The following OCA2 variants were observed in gnomAD, a reference collection of about 807,000 sequenced individuals.
OCA2 encodes P protein.
Under a neutral mutation model 100.2 loss-of-function variants are expected in OCA2, and 77 were observed. That is an observed-to-expected ratio of 0.77 (90% CI 0.64 to 0.93). The LOEUF (loss-of-function observed/expected upper bound fraction) is 0.93, where lower values mean the gene tolerates loss of function less well. Among genes scored for constraint, OCA2 ranks in the 40% least tolerant of loss-of-function variants. OCA2 has a pLI of 0.00. For missense variants in OCA2, 1,062 were observed against 1,089.1 expected, an observed-to-expected ratio of 0.98 and a Z score of 0.35; for synonymous variants, 432 against 439.2, an observed-to-expected ratio of 0.98 and a Z score of 0.21.
intron 23 of OCA2, among the ~76,000 whole-genome samples, chr15:27,764,110 G>A (rs1033127558): frequency 1.3e-5 from 2 of 151,642 alleles, no homozygotes; most frequent in East Asian, 1.9e-4. Flanking sequence ...ACAGGGGAGA[G>A]AGACAGAAGG....
intron 15 of OCA2, among the ~76,000 whole-genome samples, chr15:27,965,769 C>G (rs2040544202): frequency 6.6e-6 from 1 of 152,248 alleles, no homozygotes; most frequent in Admixed American, 6.5e-5. Flanking sequence ...GCAACCTGCA[C>G]AGCATCCATA....
At chr15:27,940,992 G>A (rs897630736) in intron 18 of OCA2, among the ~76,000 whole-genome samples, 1 of 152,166 alleles carries the variant, frequency 6.6e-6, no homozygotes, top group African/African-American at 2.4e-5. Context: ...ACTCTTCTTA[G>A]CATTGTGACT....
Position 27,966,816 on chromosome 15 carries a change from C to G in OCA2, c.1510G>C (p.Asp504His), listed in dbSNP as rs2040585267. Reference protein sequence around the residue: ...SNQELRKMGLDFAGFTAHMFI... With the variant: ...SNQELRKMGLHFAGFTAHMFI... ...ATGTGTGCAGTGAATCCGGCAAAGTCCAGGCCCTGGAAATAAACAAGGGGA... is the reference window on the plus strand; with the variant it reads ...ATGTGTGCAGTGAATCCGGCAAAGTGCAGGCCCTGGAAATAAACAAGGGGA... Residue 504 changes from aspartate to histidine, a missense_variant, in exon 15 of 24, where the codon GAC (aspartate) becomes CAC (histidine). By Grantham distance (81) the Asp-to-His change is moderately conservative (BLOSUM62 -1). Coordinates refer to ENST00000354638, the MANE Select transcript of OCA2 (RefSeq NM_000275.3). 6.2e-7 allele frequency: 1 copy of G among 1,610,898 alleles called. No homozygotes were observed. Among genetic ancestry groups the G allele is most frequent in the East Asian group, 2.2e-5 (1 of 44,866 alleles).
rs534012375 is a variant in OCA2, at chr15:27,801,357, T to G, written c.2432+43602A>C. Among the ~76,000 whole-genome samples, 134 of 151,946 alleles carry G rather than the reference T, an allele frequency of 8.8e-4. 1 individual carries two copies. Among genetic ancestry groups the G allele is most frequent in the Non-Finnish European group, 1.7e-3 (116 of 67,968 alleles). On this transcript the variant is annotated intron_variant, in intron 23 of 23. Coordinates refer to ENST00000354638, the MANE Select transcript of OCA2 (RefSeq NM_000275.3). ...TCACGAGGTCAAGAGATCAAGACCA[T>G]CCTGGCCAACATGGTGAAACCCCAT...
chr15:27,829,724 T>TA (rs1224672334), intron 23 of OCA2, among the ~76,000 whole-genome samples: 4 of 152,246 alleles, frequency 2.6e-5, no homozygotes, highest in African/African-American at 9.6e-5. Flanking sequence ...TCAGCATCGC[T>TA]AATCTACAGA....
At chr15:28,004,806 C>A (rs2042041636) in intron 9 of OCA2, among the ~76,000 whole-genome samples, 1 of 152,110 alleles carries the variant, frequency 6.6e-6, no homozygotes. Context: ...GCCTCACATG[C>A]ACTTAAACAG....
At chr15:27,872,913 C>A (rs1416845481) in intron 19 of OCA2, among the ~76,000 whole-genome samples, 1 of 152,162 alleles carries the variant, frequency 6.6e-6, no homozygotes, top group Non-Finnish European at 1.5e-5. Context: ...TGGTCTCGAA[C>A]TCGTGACCTC....
chr15:28,034,020 A>T (rs1367211689), intron 2 of OCA2, among the ~76,000 whole-genome samples: 1 of 152,208 alleles, frequency 6.6e-6, no homozygotes, highest in East Asian at 1.9e-4. Context: ...AACAAGGCCA[A>T]GCATGGTGGT....
chr15:27,755,533 G>T, intron 23 of OCA2, 61 bp from the exon 24 acceptor site: 1 of 1,281,504 alleles, frequency 7.8e-7, no homozygotes, highest in Non-Finnish European at 1.1e-6. Flanking sequence ...ATGAGATACG[G>T]ACTCATAGCT....
At chr15:27,766,796 G>C (rs944639103) in intron 23 of OCA2, among the ~76,000 whole-genome samples, 5 of 152,114 alleles carry the variant, frequency 3.3e-5, no homozygotes, top group Non-Finnish European at 4.4e-5. Flanking sequence ...CTTGAACACA[G>C]GCAGGCTACC....
intron 23 of OCA2, among the ~76,000 whole-genome samples, chr15:27,761,080 A>C (rs2150990789): frequency 6.6e-6 from 1 of 152,252 alleles, no homozygotes; most frequent in South Asian, 2.1e-4. Flanking sequence ...CTGAAAGCCC[A>C]AGTCAGTATA....
At chr15:27,973,701 G>T (rs1384685685) in intron 14 of OCA2, among the ~76,000 whole-genome samples, 1 of 152,022 alleles carries the variant, frequency 6.6e-6, no homozygotes, top group Non-Finnish European at 1.5e-5. Context: ...TTCAAGATTG[G>T]TTTTTCTAAT....
At chr15:27,877,375 C>G (rs1314198900) in intron 19 of OCA2, among the ~76,000 whole-genome samples, 2 of 151,606 alleles carry the variant, frequency 1.3e-5, no homozygotes, top group African/African-American at 4.8e-5. Context: ...GCTTCTATGG[C>G]TTTCCTGATT....
At chr15:28,039,951 G>A (rs972092907) in intron 2 of OCA2, among the ~76,000 whole-genome samples, 1 of 151,464 alleles carries the variant, frequency 6.6e-6, no homozygotes, top group African/African-American at 2.4e-5. Flanking sequence ...AGAACTGCTT[G>A]AACCCAAGAG....
chr15:27,968,605 TACAAC>T (rs1014990690), intron 14 of OCA2, among the ~76,000 whole-genome samples: 2 of 152,220 alleles, frequency 1.3e-5, no homozygotes, highest in African/African-American at 4.8e-5. Context: ...TTATTAAAGA[TACAAC>T]ACAACTAGAG....
chr15:28,029,442 G>A (rs2042850817), intron 3 of OCA2, among the ~76,000 whole-genome samples: 2 of 152,106 alleles, frequency 1.3e-5, no homozygotes, highest in Admixed American at 1.3e-4. Context: ...GAAGACAGAG[G>A]GAAGCAAGTT....
intron 3 of OCA2, among the ~76,000 whole-genome samples, chr15:28,028,284 T>A (rs552863127): frequency 1.3e-5 from 2 of 152,340 alleles, no homozygotes; most frequent in South Asian, 2.1e-4. Context: ...GTCTTCAAAA[T>A]GAATTGTGGG....
At chr15:28,041,574 A>C (rs2043202069) in intron 2 of OCA2, among the ~76,000 whole-genome samples, 1 of 152,248 alleles carries the variant, frequency 6.6e-6, no homozygotes, top group Non-Finnish European at 1.5e-5. Flanking sequence ...GGAAAGGAAG[A>C]AGTAAAATTA....
At chr15:28,081,537 C>A (rs2044622191) in intron 2 of OCA2, 111 bp downstream of exon 2, 3 of 1,030,630 alleles carry the variant, frequency 2.9e-6, no homozygotes, top group Non-Finnish European at 4.4e-6. Flanking sequence ...TGGAAAAATT[C>A]TTGCAAAATT....
Sources: allele counts gnomAD v4.1 joint callset (sites outside exome capture counted in the v4.1 genomes callset), GRCh38; gene constraint gnomAD v4.1.1; transcripts MANE v1.5; gene names NCBI Gene and HGNC (gene_info 2026-07-23, HGNC 2026-07-21).